The following C4BPB variants were observed in gnomAD, a reference collection of about 807,000 sequenced individuals.
C4BPB encodes complement component 4 binding protein beta, also known as C4b-binding protein beta chain.
In C4BPB, 19 loss-of-function variants were observed where a neutral mutation model predicts 26.6. The ratio of observed to expected loss-of-function variants is 0.71; its 90% CI spans 0.50 to 1.05. The LOEUF (loss-of-function observed/expected upper bound fraction) is 1.05, where lower values mean the gene tolerates loss of function less well. Among genes scored for constraint, C4BPB ranks in the 50% least tolerant of loss-of-function variants. The pLI is 0.00. For missense variants in C4BPB, 282 were observed against 302.9 expected (o/e 0.93, Z 0.51); for synonymous variants, 118 against 103.5 (o/e 1.14, Z -0.85).
At position 207,099,826 on chromosome 1, in the gene C4BPB, TGGA is replaced by T. The variant is rs767767750; in HGVS notation, c.658_660del (p.Glu220del). On this transcript the variant is annotated inframe_deletion, in exon 7 of 7. Coordinates refer to ENST00000367078, the MANE Select transcript of C4BPB (RefSeq NM_001017365.3). ...GAGAGTAAGAACCTCTGCGAAGCCA[TGGA>T]GAACTTTATGCAACAATTAAAGGAA... The T allele has an allele frequency of 4.3e-6, 7 of 1,613,968 alleles. No individual in the cohort carries two copies. Among genetic ancestry groups the T allele is most frequent in the Non-Finnish European group, 5.9e-6 (7 of 1,179,880 alleles).
chr1:207,094,811 G>A (rs1684178072), intron 4 of C4BPB: 1 of 157,448 alleles, frequency 6.4e-6, no homozygotes, highest in South Asian at 1.8e-4. Context: ...AAATTACAGT[G>A]TATTAACTGC....
intron 6 of C4BPB, among the ~76,000 whole-genome samples, 188 bp downstream of exon 6, chr1:207,098,452 G>A (rs970029931): frequency 6.6e-6 from 1 of 152,204 alleles, no homozygotes; most frequent in African/African-American, 2.4e-5. Context: ...GAAGTTGGAA[G>A]TTCCCATTCA....
intron 3 of C4BPB, among the ~76,000 whole-genome samples, chr1:207,091,435 T>C (rs1684020524): frequency 6.6e-6 from 1 of 152,252 alleles, no homozygotes; most frequent in African/African-American, 2.4e-5. Context: ...TTCTTGTGCA[T>C]GACAAAGCTC....
intron 2 of C4BPB, 99 bp downstream of exon 2, chr1:207,089,688 T>C: frequency 1.0e-6 from 1 of 964,322 alleles, no homozygotes; most frequent in South Asian, 1.4e-5. Context: ...TTTACATTTA[T>C]AATATCTTTA....
rs141922788 is a variant in C4BPB at position 207,099,864 on chromosome 1, A to G, written c.694A>G (p.Thr232Ala). 539 of 1,613,912 alleles carry G rather than the reference A, an allele frequency of 3.3e-4. 1 individual carries two copies. Among genetic ancestry groups the G allele is most frequent in the Non-Finnish European group, 4.3e-4 (509 of 1,179,866 alleles). ...FMQQLKESGM[T>A]MEELKYSLEL... ...GCAACAATTAAAGGAAAGTGGCATG[A>G]CAATGGAGGAGCTAAAATATTCTCT... Residue 232 changes from threonine to alanine, a missense_variant, in exon 7 of 7, where the codon ACA becomes GCA. Physicochemically the swap from Thr to Ala is moderately conservative, Grantham distance 58. Coordinates refer to ENST00000367078, the MANE Select transcript of C4BPB (RefSeq NM_001017365.3).
rs772534700 is a variant in C4BPB, at chr1:207,098,259, G to T, written c.613G>T (p.Ala205Ser). 3 of 1,588,682 alleles carry T rather than the reference G, an allele frequency of 1.9e-6. No homozygotes were observed. In the Admixed American group the frequency reaches 5.0e-5, roughly 26 times the overall value. ...AGCTCCCAAACCAGAGTGTGAGAAG[G>T]CACTTGTAAGTAGGAGGCTCATATC... is the stretch of plus-strand genomic sequence containing the variant. ...QEAPKPECEK[A>S]LLAFQESKNL... Residue 205 changes from alanine (A) to serine (S), a missense_variant, in exon 6 of 7, where the codon GCA (alanine) becomes TCA (serine). Transcript: ENST00000367078.
Position 207,099,830 on chromosome 1 carries a change from G to C in C4BPB, c.660G>C (p.Glu220Asp). ...QESKNLCEAM[E>D]NFMQQLKESG... ...GTAAGAACCTCTGCGAAGCCATGGA[G>C]AACTTTATGCAACAATTAAAGGAAA... Residue 220 changes from glutamate to aspartate, a missense_variant, in exon 7 of 7, where the codon GAG becomes GAC. Coordinates refer to ENST00000367078, the MANE Select transcript of C4BPB (RefSeq NM_001017365.3). 2.5e-6 allele frequency: 4 copies of C among 1,613,912 alleles called. No homozygotes were observed. Among genetic ancestry groups the C allele is most frequent in the Middle Eastern group, 1.6e-4 (1 of 6,062 alleles).
chr1:207,097,540 T>TA (rs36078505), intron 5 of C4BPB, among the ~76,000 whole-genome samples: 28,981 of 115,706 alleles, frequency 0.25, 3,870 homozygotes, highest in South Asian at 0.37. Context: ...TATGTTTTTC[T>TA]AAAAAAAAAA....
intron 5 of C4BPB, among the ~76,000 whole-genome samples, chr1:207,097,213 T>G (rs986079576): frequency 1.3e-5 from 2 of 152,002 alleles, no homozygotes; most frequent in Non-Finnish European, 2.9e-5. Flanking sequence ...TTTTTGTTTT[T>G]TTGTTGTTGT....
intron 2 of C4BPB, 74 bp downstream of exon 2, chr1:207,089,663 AG>A (rs945762011): frequency 4.9e-6 from 6 of 1,223,996 alleles, no homozygotes; most frequent in Non-Finnish European, 7.2e-6. Context: ...AACTCTGTCT[AG>A]GGCTTTAAGG....
intron 5 of C4BPB, among the ~76,000 whole-genome samples, chr1:207,097,555 A>AAAT (rs1311144815): frequency 1.3e-5 from 2 of 151,710 alleles, no homozygotes; most frequent in Non-Finnish European, 2.9e-5. Flanking sequence ...AAAAAAAAAA[A>AAAT]AAAAAATCAG....
chr1:207,090,668 T>C (rs76189514), intron 3 of C4BPB, among the ~76,000 whole-genome samples, 187 bp downstream of exon 3: 2,085 of 152,362 alleles, frequency 0.014, 48 homozygotes, highest in African/African-American at 0.047. Flanking sequence ...TCTTGATCAG[T>C]ATTAATTCAG....
chr1:207,095,531 G>A, intron 4 of C4BPB: 1 of 410,766 alleles, frequency 2.4e-6, no homozygotes, highest in Non-Finnish European at 4.9e-6. Flanking sequence ...GTTTCACCAT[G>A]TTGGCCAGGC....
intron 3 of C4BPB, 57 bp downstream of exon 3, chr1:207,090,538 C>A: frequency 6.9e-7 from 1 of 1,440,756 alleles, no homozygotes; most frequent in Non-Finnish European, 9.5e-7. Flanking sequence ...TACTCCTTCA[C>A]ATCCTACTTC....
At chr1:207,091,108 A>C (rs1015675021) in intron 3 of C4BPB, among the ~76,000 whole-genome samples, 3 of 152,164 alleles carry the variant, frequency 2.0e-5, no homozygotes, top group Non-Finnish European at 4.4e-5. Context: ...TATTACTATT[A>C]TTTTTTAAAG....
chr1:207,097,619 T>C (rs1314887834), intron 5 of C4BPB, among the ~76,000 whole-genome samples: 1 of 151,578 alleles, frequency 6.6e-6, no homozygotes, highest in Non-Finnish European at 1.5e-5. Flanking sequence ...AAAGACTTAG[T>C]GTATAGACCC....
chr1:207,095,178 A>G, intron 4 of C4BPB: 1 of 409,214 alleles, frequency 2.4e-6, no homozygotes, highest in Admixed American at 2.8e-5. Flanking sequence ...TTATCTGATA[A>G]TATTAGGAAG....
chr1:207,090,067 C>T (rs967464139), intron 2 of C4BPB, among the ~76,000 whole-genome samples: 1 of 152,168 alleles, frequency 6.6e-6, no homozygotes, highest in Non-Finnish European at 1.5e-5. Flanking sequence ...GTCAAGAGAT[C>T]GAGACCATCC....
intron 4 of C4BPB, among the ~76,000 whole-genome samples, chr1:207,092,385 T>C (rs1684065669): frequency 6.6e-6 from 1 of 152,172 alleles, no homozygotes; most frequent in South Asian, 2.1e-4. Context: ...AATATACCTA[T>C]AGAAAAGGGA....
Sources: allele counts gnomAD v4.1 joint callset (sites outside exome capture counted in the v4.1 genomes callset), GRCh38; gene constraint gnomAD v4.1.1; transcripts MANE v1.5; gene names NCBI Gene and HGNC (gene_info 2026-07-23, HGNC 2026-07-21).